Variants in KALRN observed in about 807,000 individuals in gnomAD.
KALRN encodes kalirin RhoGEF kinase.
A neutral mutation model predicts 353.7 loss-of-function variants in KALRN; 70 were observed. That is an observed-to-expected ratio of 0.20 (90% CI 0.16 to 0.24). The LOEUF (loss-of-function observed/expected upper bound fraction) is 0.24. Ranked by LOEUF, KALRN falls within the 10% of genes least tolerant of loss-of-function variation. KALRN has a pLI of 1.00. For synonymous variants in KALRN, 1,391 were observed against 1,434.8 expected (o/e 0.97, Z 0.69); for missense variants, 2,791 against 3,756.7 (o/e 0.74, Z 6.72).
rs144629286 is a variant in KALRN at position 124,525,428 on chromosome 3, G to T, written c.4935+29015G>T. On this transcript the variant is annotated intron_variant, in intron 33 of 59. Transcript: ENST00000682506. Reference sequence around the variant, plus strand: ...ATTTGCCTGTGTTGAGTTCTGCTGGGTGGTTGTTATGGCATGCATCTGAGT... The same window carrying T: ...ATTTGCCTGTGTTGAGTTCTGCTGGTTGGTTGTTATGGCATGCATCTGAGT... Among the ~76,000 whole-genome samples, 322 of 152,258 alleles carry T rather than the reference G, an allele frequency of 2.1e-3. 1 individual carries two copies. The highest frequency in any genetic ancestry group is 6.9e-3 in the African/African-American group (288 of 41,542).
chr3:124,565,513 T>G (rs1470300664), intron 34 of KALRN, among the ~76,000 whole-genome samples: 3 of 152,214 alleles, frequency 2.0e-5, no homozygotes, highest in Admixed American at 6.5e-5. Flanking sequence ...TATTATATCA[T>G]TTGCCATAGA....
rs773694931 is a variant in KALRN at position 124,269,045 on chromosome 3, G to A, written c.759G>A (p.Arg253=). ...AGGAGCTGGACCGGGAGGGGCAGCGGCTGCTGCAGTGCATCCGCTGCAGCG... is the reference window on the plus strand; with the variant it reads ...AGGAGCTGGACCGGGAGGGGCAGCGACTGCTGCAGTGCATCCGCTGCAGCG... ...PVEELDREGQ[R]LLQCIRCSDG... is the part of the protein sequence containing the mutation. The change falls in exon 5 of 60, where the codon CGG becomes CGA. Residue 253 remains arginine, a synonymous_variant. Transcript: ENST00000682506. 5 of 1,612,814 alleles carry A rather than the reference G, an allele frequency of 3.1e-6. No homozygotes were observed. The highest frequency in any genetic ancestry group is 4.2e-6 in the Non-Finnish European group (5 of 1,179,690).
rs1320211256 is a variant in KALRN at position 124,334,294 on chromosome 3, T to A, written c.1446T>A (p.Asp482Glu). Residue 482 changes from aspartate (D) to glutamate (E), a missense_variant, in exon 9 of 60, where the codon GAT (aspartate) becomes GAA (glutamate). Asp to Glu is a conservative substitution (Grantham distance 45, BLOSUM62 2). Transcript: ENST00000682506. This position sits in a 1 kb window ranked among gnomAD's most constrained non-coding sequence, Gnocchi z 4.2. ...GCCAGGATGGCAAAGCACTACTTGA[T>A]GTGCTGCAGCGGCCCCTGAGCCCTG... is the stretch of plus-strand genomic sequence containing the variant. ...EVSQDGKALL[D>E]VLQRPLSPGN... 1 of 1,614,226 alleles carries A rather than the reference T, an allele frequency of 6.2e-7. No homozygotes were observed. The highest frequency in any genetic ancestry group is 1.7e-5 in the Admixed American group (1 of 60,032).
At chr3:124,700,775 G>C (rs1183578794) in intron 56 of KALRN, among the ~76,000 whole-genome samples, 1 of 152,126 alleles carries the variant, frequency 6.6e-6, no homozygotes, top group Non-Finnish European at 1.5e-5. Flanking sequence ...ATGGACCTGT[G>C]TGCCTTAGGG....
intron 37 of KALRN, among the ~76,000 whole-genome samples, chr3:124,641,707 G>T (rs1407632095): frequency 6.6e-6 from 1 of 152,196 alleles, no homozygotes; most frequent in African/African-American, 2.4e-5. Context: ...TAGCCACCTC[G>T]ACTGCCTTGT....
At chr3:124,542,882 T>C (rs1161042353) in intron 33 of KALRN, among the ~76,000 whole-genome samples, 1 of 152,200 alleles carries the variant, frequency 6.6e-6, no homozygotes, top group Non-Finnish European at 1.5e-5. Context: ...GGGTCAGAAA[T>C]CCAAGATTGG....
chr3:124,257,963 T>G (rs1200662863), intron 3 of KALRN, among the ~76,000 whole-genome samples: 1 of 151,978 alleles, frequency 6.6e-6, no homozygotes, highest in Admixed American at 6.6e-5. Flanking sequence ...AATAAATATC[T>G]TTTAAAAGGT....
intron 5 of KALRN, among the ~76,000 whole-genome samples, chr3:124,271,296 T>C (rs2074139968): frequency 1.3e-5 from 2 of 152,094 alleles, no homozygotes; most frequent in Non-Finnish European, 1.5e-5. Context: ...GTTTTAGAGT[T>C]TGGGGCACTT....
intron 57 of KALRN, among the ~76,000 whole-genome samples, chr3:124,705,116 T>C (rs747259537): frequency 3.3e-5 from 5 of 152,214 alleles, no homozygotes; most frequent in Non-Finnish European, 5.9e-5. Context: ...CAATGCAGTA[T>C]AGAGAAGGCA....
At chr3:124,151,204 G>A (rs541135702) in intron 1 of KALRN, among the ~76,000 whole-genome samples, 56 of 152,178 alleles carry the variant, frequency 3.7e-4, no homozygotes, top group African/African-American at 1.3e-3. Context: ...TATACCTAAG[G>A]GGAAATACCA....
At chr3:124,050,007 T>A (rs544478089) in intron 1 of KALRN, among the ~76,000 whole-genome samples, 2 of 152,364 alleles carry the variant, frequency 1.3e-5, no homozygotes, top group East Asian at 3.9e-4. Flanking sequence ...ATTTTTCTTA[T>A]GTTCCTCCAC....
chr3:124,201,936 C>T (rs954607584), intron 1 of KALRN, among the ~76,000 whole-genome samples: 1 of 152,220 alleles, frequency 6.6e-6, no homozygotes, highest in African/African-American at 2.4e-5. Context: ...GGCTCATGCA[C>T]TCAGCAGTCT....
intron 45 of KALRN, among the ~76,000 whole-genome samples, chr3:124,662,698 T>A (rs1018995296): frequency 1.3e-5 from 2 of 152,188 alleles, no homozygotes; most frequent in Admixed American, 6.5e-5. Flanking sequence ...AAGATTTTGG[T>A]TTAAGTGAAC....
At chr3:124,307,341 TA>T (rs2077800494) in intron 6 of KALRN, among the ~76,000 whole-genome samples, 1 of 152,044 alleles carries the variant, frequency 6.6e-6, no homozygotes, top group Non-Finnish European at 1.5e-5. Context: ...ATAAGACTAA[TA>T]TGAAAAAAGC....
At chr3:124,692,709 G>T (rs1356544688) in intron 51 of KALRN, among the ~76,000 whole-genome samples, 2 of 152,368 alleles carry the variant, frequency 1.3e-5, no homozygotes, top group East Asian at 1.9e-4. Flanking sequence ...CTAAGCACTT[G>T]ATGTACAAGA....
intron 33 of KALRN, among the ~76,000 whole-genome samples, chr3:124,554,873 T>C (rs1029182872): frequency 3.9e-5 from 6 of 152,130 alleles, no homozygotes; most frequent in African/African-American, 1.4e-4. Flanking sequence ...AGTATTTGAG[T>C]ATCTGTACAT....
chr3:124,385,142 GT>G, intron 11 of KALRN, 106 bp downstream of exon 11: 1 of 899,418 alleles, frequency 1.1e-6, no homozygotes, highest in Non-Finnish European at 1.6e-6. Flanking sequence ...TAGTCTGGGG[GT>G]TACTAACTTC....
At position 124,384,997 on chromosome 3, in the gene KALRN, C is replaced by T. The variant is rs61740037; in HGVS notation, c.1923C>T (p.Leu641=). The part of the protein sequence containing the change: ...FVRRVEQRKL[L]LDMSVSFHTH... Reference sequence around the variant, plus strand: ...GCAGGGTGGAGCAGCGGAAGCTTCTCCTGGACATGTCTGTTTCCTTCCACA... The same window carrying T: ...GCAGGGTGGAGCAGCGGAAGCTTCTTCTGGACATGTCTGTTTCCTTCCACA... The change falls in exon 11 of 60, where the codon CTC becomes CTT. Residue 641 remains leucine (L), a synonymous_variant. Transcript: ENST00000682506. The T allele has an allele frequency of 2.3e-5, 37 of 1,612,372 alleles. No homozygotes were observed. In the African/African-American group the frequency reaches 3.6e-4, roughly 16 times the overall value.
intron 1 of KALRN, among the ~76,000 whole-genome samples, chr3:124,199,286 T>C (rs2075738004): frequency 6.6e-6 from 1 of 152,184 alleles, no homozygotes; most frequent in Admixed American, 6.5e-5. Context: ...TCTCCTCAAC[T>C]TCTCACACAC....
Sources: gnomAD v4.1 joint callset for allele counts (sites outside exome capture counted in the v4.1 genomes callset) on GRCh38, gnomAD v4.1.1 for gene constraint, Gnocchi (gnomAD v3.1) non-coding constraint, MANE v1.5 for transcripts, NCBI Gene and HGNC (gene_info 2026-07-23, HGNC 2026-07-21) for gene names.